The following LMX1B variants were observed in gnomAD, a reference collection of about 807,000 sequenced individuals.
LMX1B encodes the protein LIM homeobox transcription factor 1 beta, also known as LIM homeobox transcription factor 1-beta.
A neutral mutation model predicts 51.4 loss-of-function variants in LMX1B; 12 were observed. The ratio of observed to expected loss-of-function variants is 0.23; its 90% CI spans 0.15 to 0.38. The LOEUF (loss-of-function observed/expected upper bound fraction) is 0.38. Ranked by LOEUF, LMX1B falls within the 10% of genes least tolerant of loss-of-function variation. The probability of loss-of-function intolerance (pLI) is 1.00; values close to 1 mark genes in which losing one functional copy is unlikely to be tolerated. For synonymous variants in LMX1B, 237 were observed against 235.4 expected (o/e 1.01, Z -0.06); for missense variants, 445 against 571.1 (o/e 0.78, Z 2.25).
intron 2 of LMX1B, among the ~76,000 whole-genome samples, chr9:126,666,489 AAG>A (rs1477236357): frequency 3.3e-5 from 5 of 152,204 alleles, no homozygotes; most frequent in African/African-American, 1.2e-4. Flanking sequence ...GGAAGGGAGA[AAG>A]AGGGTGGAAA....
intron 2 of LMX1B, among the ~76,000 whole-genome samples, chr9:126,652,302 G>GGGT (rs1554724859): frequency 6.7e-6 from 1 of 149,970 alleles, no homozygotes; most frequent in East Asian, 2.0e-4. Flanking sequence ...GAGAAGGGGG[G>GGGT]GGGGATTTTC....
chr9:126,681,066 A>G (rs1008875410), intron 2 of LMX1B, among the ~76,000 whole-genome samples: 1 of 151,954 alleles, frequency 6.6e-6, no homozygotes, highest in Non-Finnish European at 1.5e-5. Flanking sequence ...TATCCCCACC[A>G]CCCATCGGAA....
chr9:126,629,765 G>A (rs1393099742), intron 2 of LMX1B, among the ~76,000 whole-genome samples: 2 of 151,952 alleles, frequency 1.3e-5, no homozygotes. Flanking sequence ...ATCAAAGCTT[G>A]ACTTGGGTGC....
intron 2 of LMX1B, among the ~76,000 whole-genome samples, chr9:126,649,132 C>A (rs982381047): frequency 5.3e-5 from 8 of 152,028 alleles, no homozygotes; most frequent in African/African-American, 1.7e-4. Context: ...ACCCCCTGAC[C>A]ATCACTCAAA....
At chr9:126,685,475 C>T (rs911567477) in intron 2 of LMX1B, among the ~76,000 whole-genome samples, 1 of 152,160 alleles carries the variant, frequency 6.6e-6, no homozygotes, top group Non-Finnish European at 1.5e-5. Flanking sequence ...CTCTCCCAAC[C>T]TTCTGCTTTC....
intron 2 of LMX1B, among the ~76,000 whole-genome samples, chr9:126,630,944 C>CGG (rs1420304828): frequency 6.6e-6 from 1 of 152,250 alleles, no homozygotes; most frequent in Non-Finnish European, 1.5e-5. Context: ...TTTGAAGGGA[C>CGG]GGCTGTCTGA....
At chr9:126,679,977 C>T (rs571713470) in intron 2 of LMX1B, among the ~76,000 whole-genome samples, 2 of 152,354 alleles carry the variant, frequency 1.3e-5, no homozygotes, top group South Asian at 2.1e-4. Context: ...TTCAGACTGC[C>T]GTGGAGCCCC....
In LMX1B at chr9:126,693,518, A is replaced by T. The variant is rs554576629; in HGVS notation, c.742-6A>T. The T allele has an allele frequency of 9.3e-6, 15 of 1,613,790 alleles. No individual in the cohort carries two copies. In the African/African-American group the frequency reaches 2.0e-4, roughly 22 times the overall value. On this transcript the variant is annotated splice_region_variant and splice_polypyrimidine_tract_variant and intron_variant, in intron 4 of 7. Transcript: ENST00000373474. The stretch of plus-strand genomic sequence containing the variant: ...GGCCTGACCTGTTCCCCTCTCTCTG[A>T]GCCAGGTCCGAGAGACACTGGCAGC...
At chr9:126,619,282 C>T (rs981146822) in intron 2 of LMX1B, among the ~76,000 whole-genome samples, 1 of 152,150 alleles carries the variant, frequency 6.6e-6, no homozygotes, top group African/African-American at 2.4e-5. Context: ...GCTCACCTCT[C>T]CCCCCACACT....
chr9:126,643,701 A>C (rs997515327), intron 2 of LMX1B, among the ~76,000 whole-genome samples: 33 of 152,206 alleles, frequency 2.2e-4, no homozygotes, highest in African/African-American at 7.7e-4. Context: ...ATCTCTGGTC[A>C]CCTGTCAGTA....
At chr9:126,693,978 G>T in intron 6 of LMX1B, 166 bp downstream of exon 6, 1 of 586,526 alleles carries the variant, frequency 1.7e-6, no homozygotes, top group East Asian at 2.9e-5. Flanking sequence ...AGGGGCCCGG[G>T]ATGTTTCTTT....
intron 2 of LMX1B, among the ~76,000 whole-genome samples, chr9:126,688,420 G>A (rs2029990044): frequency 6.6e-6 from 1 of 152,234 alleles, no homozygotes; most frequent in Non-Finnish European, 1.5e-5. Context: ...TCCCACGCTA[G>A]CAGCGACACG....
chr9:126,614,033 C>A lies in LMX1B; in HGVS notation c.-417C>A. 7.8e-6 allele frequency among the ~76,000 whole-genome samples: 1 copy of A among 128,854 alleles called. No homozygotes were observed. The highest frequency in any genetic ancestry group is 2.7e-5 in the African/African-American group (1 of 37,218). The allele number at this position is 128,854 out of a possible 152,430, so 84.5% of individuals were successfully genotyped here. ...GCCCGCTGCGCCCCGCCCGGGACCC[C>A]GCTGCGCCGCGCGCCCCCCCCGCGG... On this transcript the variant is annotated 5_prime_UTR_variant, in exon 1 of 8. Transcript: ENST00000373474.
At chr9:126,685,265 G>A (rs1836749173) in intron 2 of LMX1B, among the ~76,000 whole-genome samples, 3 of 152,182 alleles carry the variant, frequency 2.0e-5, no homozygotes. Flanking sequence ...CACTAAGGAG[G>A]CAAGAAGGGA....
intron 2 of LMX1B, among the ~76,000 whole-genome samples, chr9:126,680,129 G>A (rs571380700): frequency 9.9e-5 from 15 of 152,208 alleles, no homozygotes; most frequent in South Asian, 2.1e-4. Flanking sequence ...GACTGTGGGC[G>A]CCATCATCCC....
chr9:126,657,988 G>A (rs1252432372), intron 2 of LMX1B, among the ~76,000 whole-genome samples: 1 of 152,180 alleles, frequency 6.6e-6, no homozygotes, highest in Non-Finnish European at 1.5e-5. Flanking sequence ...CCAGTGATCA[G>A]AGTTTCCAGA....
At chr9:126,647,493 G>A (rs959259222) in intron 2 of LMX1B, among the ~76,000 whole-genome samples, 7 of 152,102 alleles carry the variant, frequency 4.6e-5, no homozygotes, top group Non-Finnish European at 7.3e-5. Context: ...ACTGTGCACC[G>A]GCATAGTGTT....
At chr9:126,672,779 A>C (rs1280379804) in intron 2 of LMX1B, among the ~76,000 whole-genome samples, 1 of 152,198 alleles carries the variant, frequency 6.6e-6, no homozygotes, top group African/African-American at 2.4e-5. Context: ...CACACAGCCC[A>C]GGACAGAATC....
chr9:126,660,880 G>A (rs1836231003), intron 2 of LMX1B, among the ~76,000 whole-genome samples: 1 of 152,202 alleles, frequency 6.6e-6, no homozygotes, highest in African/African-American at 2.4e-5. Flanking sequence ...GATGAAACAG[G>A]CAGTGACAGG....
Sources: allele counts gnomAD v4.1 joint callset (sites outside exome capture counted in the v4.1 genomes callset), GRCh38; gene constraint gnomAD v4.1.1; transcripts MANE v1.5; gene names NCBI Gene and HGNC (gene_info 2026-07-23, HGNC 2026-07-21).